Variants in ARHGAP20 observed in about 807,000 individuals in gnomAD.
ARHGAP20 encodes rho GTPase-activating protein 20.
Under a neutral mutation model 73.7 loss-of-function variants are expected in ARHGAP20, and 34 were observed. The observed-to-expected ratio is 0.46, with a 90% CI of 0.35 to 0.61. ARHGAP20 has a LOEUF of 0.61. Among genes scored for constraint, ARHGAP20 ranks in the 20% least tolerant of loss-of-function variants. The pLI is 0.00. For missense variants in ARHGAP20, 1,314 were observed against 1,420.9 expected, an observed-to-expected ratio of 0.92 and a Z score of 1.21; for synonymous variants, 523 against 518.2, an observed-to-expected ratio of 1.01 and a Z score of -0.13.
intron 2 of ARHGAP20, among the ~76,000 whole-genome samples, chr11:110,688,800 T>A (rs1427675853): frequency 6.6e-6 from 1 of 152,180 alleles, no homozygotes; most frequent in Non-Finnish European, 1.5e-5. Flanking sequence ...TAGGCATCTA[T>A]TAAAAGGAGT....
chr11:110,654,983 A>G (rs1392239690), intron 2 of ARHGAP20, among the ~76,000 whole-genome samples: 1 of 152,332 alleles, frequency 6.6e-6, no homozygotes, highest in African/African-American at 2.4e-5. Flanking sequence ...AAGCTTCTCC[A>G]CTGACCCCAA....
At chr11:110,649,505 G>A (rs1949302956) in intron 2 of ARHGAP20, among the ~76,000 whole-genome samples, 2 of 152,058 alleles carry the variant, frequency 1.3e-5, no homozygotes, top group Non-Finnish European at 2.9e-5. Flanking sequence ...TAGAAAAGAA[G>A]TATATTAATA....
intron 2 of ARHGAP20, among the ~76,000 whole-genome samples, chr11:110,636,645 G>A (rs1948974015): frequency 6.6e-6 from 1 of 151,974 alleles, no homozygotes; most frequent in South Asian, 2.1e-4. Flanking sequence ...GATGCCTGAA[G>A]ACTTTAGTAA....
chr11:110,591,924 C>T lies in ARHGAP20; in HGVS notation c.1143+53G>A, dbSNP rs149288600. On this transcript the variant is annotated intron_variant, in intron 10 of 14. Transcript: ENST00000683387. ...GGGGACAGATTTACCTCGCAGAGCT[C>T]TCCTTTCCCAAACACCCTTTCCCAT... The T allele has an allele frequency of 2.6e-5, 41 of 1,575,142 alleles. No homozygotes were observed. The African/African-American group carries it at 4.7e-4, about 18-fold the overall frequency.
At chr11:110,616,422 G>C (rs1948483759) in intron 4 of ARHGAP20, among the ~76,000 whole-genome samples, 1 of 152,040 alleles carries the variant, frequency 6.6e-6, no homozygotes, top group Admixed American at 6.5e-5. Context: ...GCCTGGGCTG[G>C]AGTATAGAGG....
chr11:110,698,603 T>C (rs1950383100), intron 1 of ARHGAP20, among the ~76,000 whole-genome samples: 1 of 151,958 alleles, frequency 6.6e-6, no homozygotes, highest in South Asian at 2.1e-4. Flanking sequence ...TTACTCATTA[T>C]TGGTCTGTTC....
intron 2 of ARHGAP20, among the ~76,000 whole-genome samples, chr11:110,664,050 C>T (rs1279747120): frequency 6.6e-6 from 1 of 152,076 alleles, no homozygotes. Flanking sequence ...AAATGTAATA[C>T]TCATTCATGA....
At chr11:110,583,419 G>T in intron 13 of ARHGAP20, 129 bp downstream of exon 13, 1 of 847,638 alleles carries the variant, frequency 1.2e-6, no homozygotes, top group Non-Finnish European at 1.7e-6. Flanking sequence ...TAGTCTACCA[G>T]TAAAGTCAAA....
At chr11:110,613,741 A>G (rs953311136) in intron 6 of ARHGAP20, among the ~76,000 whole-genome samples, 2 of 152,120 alleles carry the variant, frequency 1.3e-5, no homozygotes, top group Non-Finnish European at 2.9e-5. Context: ...AAGCAGTGAC[A>G]TCTGGCATTC....
chr11:110,691,076 G>A, intron 1 of ARHGAP20: 1 of 1,278,896 alleles, frequency 7.8e-7, no homozygotes, highest in South Asian at 1.5e-5. Flanking sequence ...GGAAAAAACA[G>A]TTAAAGCAAA....
chr11:110,615,481 C>T lies in ARHGAP20; in HGVS notation c.545+72G>A. The T allele has an allele frequency of 5.0e-6, 7 of 1,404,664 alleles. 1 individual carries two copies. Among genetic ancestry groups the T allele is most frequent in the Non-Finnish European group, 4.9e-6 (5 of 1,015,656 alleles). 87.0% of individuals were successfully genotyped at this position (1,404,664 alleles called of 1,614,324 possible). ...AGGAGAAGGGGAATAATTTGGGGCA[C>T]ATCTCTGCAGAAAAGGTCTTAATTC... On this transcript the variant is annotated intron_variant, in intron 5 of 14. Transcript: ENST00000683387.
chr11:110,632,979 A>C (rs1354943686), intron 2 of ARHGAP20, among the ~76,000 whole-genome samples: 1 of 152,184 alleles, frequency 6.6e-6, no homozygotes, highest in Non-Finnish European at 1.5e-5. Context: ...AAAGTTTTAA[A>C]TTTTGACGAA....
At position 110,712,393 on chromosome 11, in the gene ARHGAP20, A is replaced by T. The variant is rs1474888417; in HGVS notation, c.-162T>A. ...TCGCCGCGCGCCTCCCGTCGGGGCC[A>T]TGTACCTCCGCCTGCGCTCGACACC... On this transcript the variant is annotated 5_prime_UTR_variant, in exon 1 of 15. The change abolishes an upstream ATG in the 5' untranslated region. Transcript: ENST00000683387. The T allele has an allele frequency of 9.6e-6, 4 of 415,568 alleles. No homozygotes were observed. The highest frequency in any genetic ancestry group is 4.0e-6 in the Non-Finnish European group (1 of 251,420). 25.7% of individuals were successfully genotyped at this position (415,568 alleles called of 1,614,324 possible).
chr11:110,606,520 T>C (rs1287416308), intron 9 of ARHGAP20, 41 bp downstream of exon 9: 1 of 1,582,266 alleles, frequency 6.3e-7, no homozygotes, highest in Non-Finnish European at 8.6e-7. Context: ...TTGTACTAAA[T>C]TTATGTTCAA....
At chr11:110,710,155 G>A (rs1421325762) in intron 1 of ARHGAP20, among the ~76,000 whole-genome samples, 1 of 152,194 alleles carries the variant, frequency 6.6e-6, no homozygotes, top group Non-Finnish European at 1.5e-5. Context: ...CAAACAGTAA[G>A]TGCTAACATT....
At chr11:110,711,762 G>C (rs921223699) in intron 1 of ARHGAP20, 4 of 1,355,780 alleles carry the variant, frequency 3.0e-6, no homozygotes, top group South Asian at 1.8e-5. Flanking sequence ...ACTTCGGGAG[G>C]CCCAGGGGCA....
rs114860005 is a variant in ARHGAP20 at position 110,598,886 on chromosome 11, G to A, written c.965-6731C>T. On this transcript the variant is annotated intron_variant, in intron 9 of 14. Coordinates refer to ENST00000683387, the MANE Select transcript of ARHGAP20 (RefSeq NM_001384657.1). Reference sequence around the variant, plus strand: ...GGCTCTCAGGACCTGGGAGCAGGTGGGAGCCCTGCCCTCCCGGGTGGAGGT... The same window carrying A: ...GGCTCTCAGGACCTGGGAGCAGGTGAGAGCCCTGCCCTCCCGGGTGGAGGT... Among the ~76,000 whole-genome samples, 1,484 of 152,246 alleles carry A rather than the reference G, an allele frequency of 9.7e-3. 23 individuals carry two copies. The highest frequency in any genetic ancestry group is 0.033 in the African/African-American group (1,372 of 41,540).
chr11:110,635,502 TAAGTA>T (rs2134970006), intron 2 of ARHGAP20, among the ~76,000 whole-genome samples: 1 of 152,284 alleles, frequency 6.6e-6, no homozygotes, highest in African/African-American at 2.4e-5. Flanking sequence ...CAAGTAAGTA[TAAGTA>T]GTTTATAGTT....
Position 110,592,111 on chromosome 11 carries a change from A to G in ARHGAP20, c.1009T>C (p.Trp337Arg). The G allele has an allele frequency of 1.2e-6, 2 of 1,614,204 alleles. No homozygotes were observed. Among genetic ancestry groups the G allele is most frequent in the Non-Finnish European group, 1.7e-6 (2 of 1,180,004 alleles). ...TFKRRRSIIN[W>R]AFWRGSSTHL... ...GTGCTAGAACCTCGCCAGAAGGCCCAGTTTATGATAGATCTTCTCCTTTTA... is the reference window on the plus strand; with the variant it reads ...GTGCTAGAACCTCGCCAGAAGGCCCGGTTTATGATAGATCTTCTCCTTTTA... Residue 337 changes from tryptophan to arginine, a missense_variant, in exon 10 of 15, where the codon TGG becomes CGG. Around this residue, in one of 3 missense-constraint regions of ARHGAP20, gnomAD observed 443 missense variants for 466.4 expected, o/e 0.95. Transcript: ENST00000683387.
Sources: allele counts gnomAD v4.1 joint callset (sites outside exome capture counted in the v4.1 genomes callset), GRCh38; gene constraint gnomAD v4.1.1; regional missense constraint gnomAD v4.1.1; transcripts MANE v1.5; gene names NCBI Gene and HGNC (gene_info 2026-07-23, HGNC 2026-07-21).